PDE4B: variants seen among roughly 807,000 people sequenced by gnomAD.
The protein encoded by PDE4B is phosphodiesterase 4B.
A neutral mutation model predicts 82.2 loss-of-function variants in PDE4B; 20 were observed. That is an observed-to-expected ratio of 0.24 (90% CI 0.17 to 0.35). The LOEUF (loss-of-function observed/expected upper bound fraction) is 0.35. PDE4B is among the 10% of genes least tolerant of loss of function. The pLI is 1.00. For missense variants in PDE4B, 655 were observed against 907.2 expected, an observed-to-expected ratio of 0.72 and a Z score of 3.57; for synonymous variants, 320 against 318.9, an observed-to-expected ratio of 1.00 and a Z score of -0.04.
rs536701887 is a variant in PDE4B, at chr1:66,199,107, G to A, written c.282-48353G>A. 2.0e-3 allele frequency among the ~76,000 whole-genome samples: 305 copies of A among 151,632 alleles called. 1 individual carries two copies. Among genetic ancestry groups the A allele is most frequent in the Non-Finnish European group, 3.4e-3 (229 of 67,890 alleles). Reference sequence around the variant, plus strand: ...TGTCTTTATAGCAGCATGATTTATAGTCCTTTGGGTATATACCCAGTAATG... The same window carrying A: ...TGTCTTTATAGCAGCATGATTTATAATCCTTTGGGTATATACCCAGTAATG... On this transcript the variant is annotated intron_variant, in intron 3 of 16. Coordinates refer to ENST00000341517, the MANE Select transcript of PDE4B (RefSeq NM_002600.4).
rs2050850494 is a variant in PDE4B, at chr1:66,373,318, C to G, written c.*640C>G. On this transcript the variant is annotated 3_prime_UTR_variant, in exon 17 of 17. Transcript: ENST00000341517. ...ACATTTTACTTCCTTCCCCTGTTGT[C>G]CAGTCCAACTCCACAGTCACTCTTA... 1 of 152,518 alleles carries G rather than the reference C, an allele frequency of 6.6e-6. No individual in the cohort carries two copies. The allele number at this position is 152,518 out of a possible 1,614,324, so 9.4% of individuals were successfully genotyped here.
At chr1:66,214,193 G>T (rs1406457280) in intron 3 of PDE4B, among the ~76,000 whole-genome samples, 1 of 152,160 alleles carries the variant, frequency 6.6e-6, no homozygotes, top group African/African-American at 2.4e-5. Context: ...AGCTCCAAAA[G>T]TGGAACAAGC....
chr1:66,023,480 C>T (rs1232183232), intron 3 of PDE4B, among the ~76,000 whole-genome samples: 2 of 152,058 alleles, frequency 1.3e-5, no homozygotes, highest in Non-Finnish European at 2.9e-5. Flanking sequence ...GTGGCAGAGA[C>T]AATAAACACA....
intron 3 of PDE4B, among the ~76,000 whole-genome samples, chr1:66,015,271 G>A (rs1652703885): frequency 6.6e-6 from 1 of 152,120 alleles, no homozygotes; most frequent in South Asian, 2.1e-4. Context: ...TTACAGAAAT[G>A]CCTAGAGATT....
At chr1:66,201,719 G>A (rs1056947999) in intron 3 of PDE4B, among the ~76,000 whole-genome samples, 19 of 151,598 alleles carry the variant, frequency 1.3e-4, no homozygotes, top group African/African-American at 3.9e-4. Flanking sequence ...TATTGCATCT[G>A]TTTGATTCTT....
chr1:66,016,950 AAGG>A (rs1303967319), intron 3 of PDE4B, among the ~76,000 whole-genome samples: 8 of 152,264 alleles, frequency 5.3e-5, no homozygotes, highest in Non-Finnish European at 8.8e-5. Flanking sequence ...GCACCTACTG[AAGG>A]AGAAGAGTAT....
chr1:65,859,074 A>G lies in PDE4B; in HGVS notation c.-70-54171A>G, dbSNP rs530984553. On this transcript the variant is annotated intron_variant, in intron 1 of 16. Coordinates refer to ENST00000341517, the MANE Select transcript of PDE4B (RefSeq NM_002600.4). ...CCTTCAGATATTTGTGTGTTGCCCAAATATTCTAGCACAAATGCTAGAAGT... is the reference window on the plus strand; with the variant it reads ...CCTTCAGATATTTGTGTGTTGCCCAGATATTCTAGCACAAATGCTAGAAGT... 5.9e-5 allele frequency among the ~76,000 whole-genome samples: 9 copies of G among 152,264 alleles called. No homozygotes were observed. The South Asian group carries it at 1.9e-3, about 32-fold the overall frequency.
At chr1:65,867,669 TG>T (rs1322707729) in intron 1 of PDE4B, among the ~76,000 whole-genome samples, 1 of 152,222 alleles carries the variant, frequency 6.6e-6, no homozygotes, top group East Asian at 1.9e-4. Flanking sequence ...TAAAAATGCA[TG>T]GGAAGCACTA....
intron 3 of PDE4B, among the ~76,000 whole-genome samples, chr1:66,063,441 C>G (rs1057161002): frequency 3.3e-5 from 5 of 151,822 alleles, no homozygotes; most frequent in African/African-American, 1.2e-4. Flanking sequence ...TAATGTGAAG[C>G]CAAGGTTGGG....
intron 3 of PDE4B, among the ~76,000 whole-genome samples, chr1:66,246,361 A>G (rs1489366183): frequency 6.6e-6 from 1 of 152,256 alleles, no homozygotes; most frequent in Non-Finnish European, 1.5e-5. Flanking sequence ...CCAAGAATGT[A>G]GACATAAATC....
At chr1:66,043,393 G>A (rs1406852719) in intron 3 of PDE4B, among the ~76,000 whole-genome samples, 1 of 151,758 alleles carries the variant, frequency 6.6e-6, no homozygotes. Context: ...CCAAGCTCAT[G>A]CTGGTTAGGA....
chr1:65,872,651 G>A (rs1181627085), intron 1 of PDE4B, among the ~76,000 whole-genome samples: 1 of 152,192 alleles, frequency 6.6e-6, no homozygotes, highest in African/African-American at 2.4e-5. Flanking sequence ...AGTGTTAATG[G>A]ATGTGGAATT....
intron 1 of PDE4B, among the ~76,000 whole-genome samples, chr1:65,815,359 G>C (rs955155405): frequency 6.6e-6 from 1 of 152,014 alleles, no homozygotes; most frequent in African/African-American, 2.4e-5. Flanking sequence ...TTCAAGTCAC[G>C]AGACAACACA....
chr1:65,852,784 A>G (rs1236192134), intron 1 of PDE4B, among the ~76,000 whole-genome samples: 3 of 152,036 alleles, frequency 2.0e-5, no homozygotes, highest in African/African-American at 7.2e-5. Flanking sequence ...TTTTAAATTA[A>G]TCAAGACTTG....
At chr1:66,184,859 T>C (rs768519826) in intron 3 of PDE4B, among the ~76,000 whole-genome samples, 41 of 152,020 alleles carry the variant, frequency 2.7e-4, no homozygotes, top group African/African-American at 9.2e-4. Context: ...TTTATTGTAC[T>C]TTAAGTTTTA....
chr1:65,802,452 G>A (rs1409315205), intron 1 of PDE4B, among the ~76,000 whole-genome samples: 1 of 152,118 alleles, frequency 6.6e-6, no homozygotes, highest in Non-Finnish European at 1.5e-5. Flanking sequence ...AGTTGCATCT[G>A]GTAGACTTCT....
At chr1:65,845,982 T>A in intron 1 of PDE4B, among the ~76,000 whole-genome samples, 1 of 152,220 alleles carries the variant, frequency 6.6e-6, no homozygotes, top group Non-Finnish European at 1.5e-5. Flanking sequence ...TGTGCCTGGC[T>A]GGCCGCCTCC....
rs574942099 is a variant in PDE4B at position 66,359,741 on chromosome 1, G to A, written c.842-1874G>A. Among the ~76,000 whole-genome samples the A allele has an allele frequency of 2.9e-4, 44 of 152,246 alleles. No individual in the cohort carries two copies. The South Asian group carries it at 9.1e-3, about 32-fold the overall frequency. On this transcript the variant is annotated intron_variant, in intron 9 of 16. Transcript: ENST00000341517. ...ATGGTGGTAAAAAGGCAGGCCCTAT[G>A]GTAGCCTTTCATTTTAGCAAAAAGT...
At chr1:66,096,298 T>C (rs1645112714) in intron 3 of PDE4B, among the ~76,000 whole-genome samples, 1 of 151,566 alleles carries the variant, frequency 6.6e-6, no homozygotes, top group South Asian at 2.1e-4. Context: ...GTTTTTTCAC[T>C]GAAACTGCTT....
Sources: allele counts gnomAD v4.1 joint callset (sites outside exome capture counted in the v4.1 genomes callset), GRCh38; gene constraint gnomAD v4.1.1; transcripts MANE v1.5; gene names NCBI Gene and HGNC (gene_info 2026-07-23, HGNC 2026-07-21).